Variants in IFI30 observed in about 807,000 individuals in gnomAD.
The protein encoded by IFI30 is IFI30 lysosomal thiol reductase.
IFI30 carries 26 observed loss-of-function variants against 30.1 expected under a neutral mutation model. The ratio of observed to expected loss-of-function variants is 0.87; its 90% CI spans 0.63 to 1.20. The LOEUF (loss-of-function observed/expected upper bound fraction) is 1.20, where lower values mean the gene tolerates loss of function less well. Among genes scored for constraint, IFI30 ranks in the 50% most tolerant of loss-of-function variants. The pLI is 0.00. For missense variants in IFI30, 296 were observed against 312.5 expected, an observed-to-expected ratio of 0.95 and a Z score of 0.40; for synonymous variants, 149 against 134.5, an observed-to-expected ratio of 1.11 and a Z score of -0.75.
rs760530553 is a variant in IFI30, at chr19:18,175,210, C to T, written c.303C>T (p.Tyr101=). The change falls in exon 2 of 7, where the codon TAC becomes TAT. Residue 101 remains tyrosine, a synonymous_variant. Coordinates refer to ENST00000407280, the MANE Select transcript of IFI30 (RefSeq NM_006332.5). ...MEILNVTLVP[Y]GNAQEQNVSG... is the part of the protein sequence containing the mutation. The stretch of plus-strand genomic sequence containing the variant: ...TCCTCAATGTCACGCTGGTGCCCTA[C>T]GGAAACGCACAGGTGTGTGGGCGCT... 6.3e-6 allele frequency: 10 copies of T among 1,584,572 alleles called. No individual in the cohort carries two copies. The East Asian group carries it at 9.2e-5, about 15-fold the overall frequency.
intron 6 of IFI30, 24 bp from the exon 7 acceptor site, chr19:18,177,825 C>A (rs776970950): frequency 6.2e-7 from 1 of 1,607,198 alleles, no homozygotes; most frequent in East Asian, 2.2e-5. Flanking sequence ...TTCCAGGACC[C>A]CAACTCATGG....
intron 4 of IFI30, among the ~76,000 whole-genome samples, chr19:18,176,406 A>G (rs957841226): frequency 3.9e-5 from 6 of 151,910 alleles, no homozygotes; most frequent in African/African-American, 1.5e-4. Context: ...CGCCTGTCCC[A>G]GCCTCCCAAA....
intron 5 of IFI30, 87 bp downstream of exon 5, chr19:18,177,379 C>A (rs1967285635): frequency 7.0e-7 from 1 of 1,432,324 alleles, no homozygotes; most frequent in African/African-American, 1.4e-5. Flanking sequence ...GATAAAGGAA[C>A]CCAGGCGGAG....
intron 4 of IFI30, 36 bp from the exon 5 acceptor site, chr19:18,177,104 G>T: frequency 6.6e-7 from 1 of 1,505,274 alleles, no homozygotes; most frequent in East Asian, 2.5e-5. Context: ...TAACGGGGAG[G>T]AAGCTGAGGC....
At chr19:18,174,820 C>T (rs1489132780) in intron 1 of IFI30, 4 of 519,284 alleles carry the variant, frequency 7.7e-6, no homozygotes, top group Non-Finnish European at 1.0e-5. Context: ...TGCAGTGAGC[C>T]GAGATCGTGC....
Position 18,175,670 on chromosome 19 carries a change from T to G in IFI30, c.456T>G (p.Phe152Leu). ...TGACCATTGTCTGCATGGAAGAGTT[T>G]GAGGACATGGAGAGAAGTCTGCCAC... ...AFLTIVCMEE[F>L]EDMERSLPLC... is the part of the protein sequence containing the mutation. The change falls in exon 4 of 7, where the codon TTT becomes TTG. Residue 152 changes from phenylalanine (F) to leucine (L), a missense_variant. Transcript: ENST00000407280. The G allele has an allele frequency of 3.7e-6, 6 of 1,609,468 alleles. No individual in the cohort carries two copies. The highest frequency in any genetic ancestry group is 5.1e-6 in the Non-Finnish European group (6 of 1,177,952).
chr19:18,176,757 G>T (rs1371986474), intron 4 of IFI30, among the ~76,000 whole-genome samples: 10 of 152,280 alleles, frequency 6.6e-5, no homozygotes, highest in Admixed American at 4.6e-4. Context: ...GTCCTGCAGG[G>T]TTAGATCAGG....
rs748800457 is a variant in IFI30, at chr19:18,175,650, A to G, written c.436A>G (p.Ile146Val). The G allele has an allele frequency of 8.7e-6, 14 of 1,610,822 alleles. No individual in the cohort carries two copies. The Admixed American group carries it at 2.2e-4, about 25-fold the overall frequency. Residue 146 changes from isoleucine (I) to valine (V), a missense_variant, in exon 4 of 7, where the codon ATT becomes GTT. Ile to Val is a conservative substitution (Grantham distance 29). Transcript: ENST00000407280. ...TGACATGGAGCTAGCCTTCCTGACC[A>G]TTGTCTGCATGGAAGAGTTTGAGGA... Reference protein sequence around the residue: ...ELDMELAFLTIVCMEEFEDME... With the variant: ...ELDMELAFLTVVCMEEFEDME...
chr19:18,173,942 T>A lies in IFI30; in HGVS notation c.101T>A (p.Phe34Tyr). The A allele has an allele frequency of 5.2e-6, 8 of 1,551,378 alleles. No individual in the cohort carries two copies. The highest frequency in any genetic ancestry group is 7.0e-6 in the Non-Finnish European group (8 of 1,147,180). The change falls in exon 1 of 7, where the codon TTC (phenylalanine) becomes TAC (tyrosine). Residue 34 changes from phenylalanine (F) to tyrosine (Y), a missense_variant. Physicochemically the swap from Phe to Tyr is conservative, Grantham distance 22. Transcript: ENST00000407280. Reference protein sequence around the residue: ...VQASPLQALDFFGNGPPVNYK... With the variant: ...VQASPLQALDYFGNGPPVNYK... Reference sequence around the variant, plus strand: ...GCGTCCCCTCTGCAAGCGTTAGACTTCTTTGGGAATGGGCCACCAGTTAAC... The same window carrying A: ...GCGTCCCCTCTGCAAGCGTTAGACTACTTTGGGAATGGGCCACCAGTTAAC...
intron 1 of IFI30, 29 bp from the exon 2 acceptor site, chr19:18,175,011 C>A (rs984366047): frequency 3.5e-5 from 56 of 1,599,110 alleles, no homozygotes; most frequent in Non-Finnish European, 4.8e-5. Flanking sequence ...CAGGGCTACA[C>A]CTGCCTCCCA....
chr19:18,177,555 C>A, intron 5 of IFI30, 156 bp from the exon 6 acceptor site: 2 of 920,096 alleles, frequency 2.2e-6, no homozygotes, highest in Non-Finnish European at 3.4e-6. Flanking sequence ...TTAAACATCC[C>A]TAGCCACCCC....
In IFI30 at chr19:18,175,684, G is replaced by C. The variant is rs773765965; in HGVS notation, c.470G>C (p.Arg157Thr). 6.2e-7 allele frequency: 1 copy of C among 1,606,766 alleles called. No homozygotes were observed. Among genetic ancestry groups the C allele is most frequent in the Non-Finnish European group, 8.5e-7 (1 of 1,176,750 alleles). ...ATGGAAGAGTTTGAGGACATGGAGA[G>C]AAGTCTGCCACTAGTGAGTGACGCC... is the stretch of plus-strand genomic sequence containing the variant. ...VCMEEFEDME[R>T]SLPLCLQLYA... is the part of the protein sequence containing the mutation. The change falls in exon 4 of 7, where the codon AGA becomes ACA. Residue 157 changes from arginine (R) to threonine (T), a missense_variant. Physicochemically the swap from Arg to Thr is moderately conservative, Grantham distance 71 (BLOSUM62 -1). Coordinates refer to ENST00000407280, the MANE Select transcript of IFI30 (RefSeq NM_006332.5).
chr19:18,173,831 C>A lies in IFI30; in HGVS notation c.-11C>A. The A allele has an allele frequency of 6.5e-7, 1 of 1,542,150 alleles. No individual in the cohort carries two copies. Among genetic ancestry groups the A allele is most frequent in the Non-Finnish European group, 8.7e-7 (1 of 1,144,722 alleles). On this transcript the variant is annotated 5_prime_UTR_variant, in exon 1 of 7. Coordinates refer to ENST00000407280, the MANE Select transcript of IFI30 (RefSeq NM_006332.5). Reference sequence around the variant, plus strand: ...AGCCGCTGCAGTCGCCACACCTTTGCCCCTGCTGCGATGACCCTGTCGCCA... The same window carrying A: ...AGCCGCTGCAGTCGCCACACCTTTGACCCTGCTGCGATGACCCTGTCGCCA...
Position 18,174,355 on chromosome 19 carries a change from G to C in IFI30, c.132+382G>C, listed in dbSNP as rs574981089. On this transcript the variant is annotated intron_variant, in intron 1 of 6. Coordinates refer to ENST00000407280, the MANE Select transcript of IFI30 (RefSeq NM_006332.5). ...TGCTACCCTTGATGCATTCATTCCAGCCAGGGCAGGGCTCGCGTGTCTTTG... is the reference window on the plus strand; with the variant it reads ...TGCTACCCTTGATGCATTCATTCCACCCAGGGCAGGGCTCGCGTGTCTTTG... The C allele has an allele frequency of 1.4e-3, 265 of 186,966 alleles. 5 individuals carry two copies. Among genetic ancestry groups the C allele is most frequent in the South Asian group, 4.2e-3 (44 of 10,364 alleles). The allele number at this position is 186,966 out of a possible 1,614,324, so 11.6% of individuals were successfully genotyped here.
At chr19:18,174,031 C>A in intron 1 of IFI30, 58 bp downstream of exon 1, 1 of 1,473,948 alleles carries the variant, frequency 6.8e-7, no homozygotes, top group Non-Finnish European at 9.1e-7. Context: ...TCGGGGCACG[C>A]GGCTCCTTCT....
At chr19:18,177,551 A>G (rs1967287385) in intron 5 of IFI30, 160 bp from the exon 6 acceptor site, 1 of 895,716 alleles carries the variant, frequency 1.1e-6, no homozygotes, top group African/African-American at 1.7e-5. Flanking sequence ...AGTATTAAAC[A>G]TCCCTAGCCA....
chr19:18,174,849 C>T (rs1171906907), intron 1 of IFI30, 191 bp from the exon 2 acceptor site: 6 of 550,626 alleles, frequency 1.1e-5, no homozygotes, highest in Non-Finnish European at 1.9e-5. Context: ...ACCAGCCTAG[C>T]GACAGTGAGA....
chr19:18,178,058 C>G lies in IFI30; in HGVS notation c.*147C>G. On this transcript the variant is annotated 3_prime_UTR_variant, in exon 7 of 7. Coordinates refer to ENST00000407280, the MANE Select transcript of IFI30 (RefSeq NM_006332.5). ...AAGCCCAGATACACAAAATTCCACC[C>G]CATGATCAAGAATCCTGCTCCACTA... The G allele has an allele frequency of 1.3e-6, 1 of 742,724 alleles. No individual in the cohort carries two copies. The highest frequency in any genetic ancestry group is 2.3e-6 in the Non-Finnish European group (1 of 436,670). 46.0% of individuals were successfully genotyped at this position (742,724 alleles called of 1,614,324 possible). A position where few individuals can be genotyped will look rare whatever the true frequency, so the allele number is the denominator to read the frequency against.
intron 1 of IFI30, chr19:18,174,254 A>G (rs1190293208): frequency 5.5e-6 from 2 of 362,412 alleles, no homozygotes; most frequent in Non-Finnish European, 1.0e-5. Flanking sequence ...CTTTTGGGGC[A>G]GGAGCTGGGG....
Sources: gnomAD v4.1 joint callset for allele counts (sites outside exome capture counted in the v4.1 genomes callset) on GRCh38, gnomAD v4.1.1 for gene constraint, MANE v1.5 for transcripts, NCBI Gene and HGNC (gene_info 2026-07-23, HGNC 2026-07-21) for gene names.